The following GALNT10 variants were observed in gnomAD, a reference collection of about 807,000 sequenced individuals.
The protein encoded by GALNT10 is GalNAc transferase 10.
Under a neutral mutation model 75.0 loss-of-function variants are expected in GALNT10, and 41 were observed. The observed-to-expected ratio is 0.55, with a 90% CI of 0.43 to 0.71. The LOEUF (loss-of-function observed/expected upper bound fraction) is 0.71. Ranked by LOEUF, GALNT10 falls within the 30% of genes least tolerant of loss-of-function variation. The pLI, the probability that GALNT10 is intolerant of heterozygous loss-of-function variation, is 0.00. For missense variants in GALNT10, 727 were observed against 818.5 expected, an observed-to-expected ratio of 0.89 and a Z score of 1.36; for synonymous variants, 302 against 313.0, an observed-to-expected ratio of 0.96 and a Z score of 0.37.
At chr5:154,404,589 G>A (rs1156425493) in intron 8 of GALNT10, among the ~76,000 whole-genome samples, 1 of 152,244 alleles carries the variant, frequency 6.6e-6, no homozygotes, top group Non-Finnish European at 1.5e-5. Context: ...TTAAGTTAAT[G>A]TGGATTCTAA....
chr5:154,247,721 A>C (rs1204371671), intron 1 of GALNT10, among the ~76,000 whole-genome samples: 3 of 152,180 alleles, frequency 2.0e-5, no homozygotes, highest in African/African-American at 7.2e-5. Flanking sequence ...GGCTGAGACG[A>C]TGGGGTTTTC....
At chr5:154,374,837 C>T (rs1433009081) in intron 4 of GALNT10, among the ~76,000 whole-genome samples, 1 of 152,208 alleles carries the variant, frequency 6.6e-6, no homozygotes, top group Non-Finnish European at 1.5e-5. Context: ...ACTTTAAGCT[C>T]ATAGTTGTGG....
At chr5:154,212,090 C>A (rs1307987753) in intron 1 of GALNT10, among the ~76,000 whole-genome samples, 2 of 152,170 alleles carry the variant, frequency 1.3e-5, no homozygotes, top group Non-Finnish European at 2.9e-5. Context: ...GGGCCAGTGT[C>A]TGCCCTCCAG....
At chr5:154,381,206 C>T (rs1755730059) in intron 6 of GALNT10, among the ~76,000 whole-genome samples, 2 of 152,138 alleles carry the variant, frequency 1.3e-5, no homozygotes, top group Admixed American at 1.3e-4. Context: ...CAGAAGTTTG[C>T]AGGCTAGGGG....
chr5:154,291,459 A>G (rs62381157), intron 1 of GALNT10, among the ~76,000 whole-genome samples: 16,124 of 152,218 alleles, frequency 0.11, 998 homozygotes, highest in African/African-American at 0.17. Context: ...AGATCCATGC[A>G]TGATTCTCCT....
intron 3 of GALNT10, among the ~76,000 whole-genome samples, chr5:154,322,355 T>A (rs922876113): frequency 6.6e-6 from 1 of 151,702 alleles, no homozygotes; most frequent in Non-Finnish European, 1.5e-5. Context: ...GTGGGTGGAG[T>A]CCCTCTCGTA....
rs927087224 is a variant in GALNT10, at chr5:154,345,567, A to G, written c.568+15829A>G. ...GGTATTTATCTTGTGTGTCTGGCCT[A>G]TTTCACTTAGCATAATGTCCTCCAA... On this transcript the variant is annotated intron_variant, in intron 4 of 11. Coordinates refer to ENST00000297107, the MANE Select transcript of GALNT10 (RefSeq NM_198321.4). 1.5e-4 allele frequency among the ~76,000 whole-genome samples: 22 copies of G among 146,632 alleles called. 1 individual carries two copies. Among genetic ancestry groups the G allele is most frequent in the African/African-American group, 5.6e-4 (22 of 39,488 alleles).
At chr5:154,358,783 G>C (rs992462365) in intron 4 of GALNT10, among the ~76,000 whole-genome samples, 12 of 152,284 alleles carry the variant, frequency 7.9e-5, no homozygotes, top group Non-Finnish European at 1.6e-4. Flanking sequence ...GCCAGGGCAG[G>C]AAAGTGACCT....
At chr5:154,269,679 C>T (rs1005494296) in intron 1 of GALNT10, among the ~76,000 whole-genome samples, 1 of 152,196 alleles carries the variant, frequency 6.6e-6, no homozygotes, top group Non-Finnish European at 1.5e-5. Flanking sequence ...GCCTCCAGGC[C>T]TCTAACAGTG....
At chr5:154,406,523 G>A (rs543612175) in intron 8 of GALNT10, among the ~76,000 whole-genome samples, 22 of 152,334 alleles carry the variant, frequency 1.4e-4, no homozygotes, top group East Asian at 5.8e-4. Flanking sequence ...TGGGCCGGGC[G>A]TGGTGGCTCA....
chr5:154,301,424 A>G (rs1327865853), intron 3 of GALNT10, among the ~76,000 whole-genome samples: 2 of 151,958 alleles, frequency 1.3e-5, no homozygotes, highest in African/African-American at 2.4e-5. Flanking sequence ...TAATGATTGT[A>G]TATATTTATG....
At chr5:154,217,983 A>G (rs1360415819) in intron 1 of GALNT10, 12 of 983,528 alleles carry the variant, frequency 1.2e-5, no homozygotes, top group Non-Finnish European at 1.4e-5. Context: ...GGATAGAAGA[A>G]AGGGAATCAT....
intron 3 of GALNT10, among the ~76,000 whole-genome samples, chr5:154,302,721 A>G (rs535156052): frequency 1.3e-5 from 2 of 152,202 alleles, no homozygotes; most frequent in Non-Finnish European, 2.9e-5. Flanking sequence ...AAAAGGCCCA[A>G]GTCTACCAGA....
At chr5:154,332,447 C>T (rs1754881423) in intron 4 of GALNT10, among the ~76,000 whole-genome samples, 1 of 152,174 alleles carries the variant, frequency 6.6e-6, no homozygotes, top group African/African-American at 2.4e-5. Context: ...TCTGCCTGAA[C>T]GCCCTCTTCC....
intron 3 of GALNT10, among the ~76,000 whole-genome samples, chr5:154,313,355 G>T (rs1401600536): frequency 6.6e-6 from 1 of 150,754 alleles, no homozygotes; most frequent in Non-Finnish European, 1.5e-5. Flanking sequence ...AACTAGATAT[G>T]ACCTAAATAA....
intron 1 of GALNT10, among the ~76,000 whole-genome samples, chr5:154,220,897 T>C (rs935287020): frequency 1.3e-5 from 2 of 152,158 alleles, no homozygotes; most frequent in African/African-American, 4.8e-5. Flanking sequence ...GGCCAGATCC[T>C]TCTTCTGATT....
chr5:154,209,168 T>C (rs1013802335), intron 1 of GALNT10, among the ~76,000 whole-genome samples: 5 of 152,216 alleles, frequency 3.3e-5, no homozygotes, highest in African/African-American at 4.8e-5. Context: ...CTACGCGTAC[T>C]GCAGGAGCTA....
chr5:154,310,496 G>C (rs891683688), intron 3 of GALNT10, among the ~76,000 whole-genome samples: 3 of 151,732 alleles, frequency 2.0e-5, no homozygotes, highest in African/African-American at 7.3e-5. Context: ...TTGAGACAGA[G>C]TCTCGCTCTG....
intron 4 of GALNT10, among the ~76,000 whole-genome samples, chr5:154,368,906 G>A (rs909961132): frequency 6.6e-6 from 1 of 152,176 alleles, no homozygotes; most frequent in African/African-American, 2.4e-5. Context: ...AGAGACTGAG[G>A]GCATTGAGAG....
Sources: gnomAD v4.1 joint callset for allele counts (sites outside exome capture counted in the v4.1 genomes callset) on GRCh38, gnomAD v4.1.1 for gene constraint, MANE v1.5 for transcripts, NCBI Gene and HGNC (gene_info 2026-07-23, HGNC 2026-07-21) for gene names.